FAM227B: variants seen among roughly 807,000 people sequenced by gnomAD.
FAM227B encodes protein FAM227B.
Under a neutral mutation model 73.8 loss-of-function variants are expected in FAM227B, and 88 were observed. That is an observed-to-expected ratio of 1.19 (90% CI 1.00 to 1.42). The LOEUF (loss-of-function observed/expected upper bound fraction) is 1.42. FAM227B is among the 40% of genes most tolerant of loss of function. The pLI, the probability that FAM227B is intolerant of heterozygous loss-of-function variation, is 0.00. For missense variants in FAM227B, 632 were observed against 590.9 expected (o/e 1.07, Z -0.72); for synonymous variants, 210 against 190.5 (o/e 1.10, Z -0.84).
intron 11 of FAM227B, among the ~76,000 whole-genome samples, chr15:49,467,930 T>C (rs1196676470): frequency 6.6e-6 from 1 of 152,184 alleles, no homozygotes; most frequent in Non-Finnish European, 1.5e-5. Context: ...CATGACATTC[T>C]TCAGTAATAT....
chr15:49,476,184 T>C (rs983015182), intron 11 of FAM227B, among the ~76,000 whole-genome samples: 2 of 151,366 alleles, frequency 1.3e-5, no homozygotes, highest in African/African-American at 4.8e-5. Context: ...TGACCACTTC[T>C]TTCTTCTGAA....
chr15:49,492,785 C>T (rs2057235959), intron 11 of FAM227B, among the ~76,000 whole-genome samples: 1 of 151,708 alleles, frequency 6.6e-6, no homozygotes, highest in Non-Finnish European at 1.5e-5. Flanking sequence ...TCTTTATAAT[C>T]AGAATAACAA....
intron 14 of FAM227B, among the ~76,000 whole-genome samples, chr15:49,332,761 G>A (rs564236428): frequency 7.9e-4 from 120 of 152,324 alleles, no homozygotes; most frequent in African/African-American, 2.6e-3. Context: ...TGCTGAAGCA[G>A]CAAGTTTAGA....
intron 11 of FAM227B, among the ~76,000 whole-genome samples, chr15:49,446,510 A>G (rs1179653655): frequency 6.6e-6 from 1 of 151,600 alleles, no homozygotes; most frequent in African/African-American, 2.4e-5. Context: ...CTAAGGAGGT[A>G]AAGAACTGGG....
chr15:49,480,220 C>T (rs1205210517), intron 11 of FAM227B, among the ~76,000 whole-genome samples: 5 of 152,220 alleles, frequency 3.3e-5, no homozygotes, highest in East Asian at 3.9e-4. Context: ...CTCAGTTAAA[C>T]GTAGAATCTT....
chr15:49,586,456 T>C lies in FAM227B; in HGVS notation c.405+1560A>G, dbSNP rs568084754. 2.0e-5 allele frequency among the ~76,000 whole-genome samples: 3 copies of C among 152,238 alleles called. No individual in the cohort carries two copies. The East Asian group carries it at 5.8e-4, about 29-fold the overall frequency. ...AAACCCTGGAAGACAACCTAGGTAA[T>C]ACCATTCTGGACATAGGTATGGGCA... On this transcript the variant is annotated intron_variant, in intron 5 of 15. Transcript: ENST00000299338.
intron 11 of FAM227B, among the ~76,000 whole-genome samples, chr15:49,504,341 G>T (rs2058403778): frequency 6.6e-6 from 1 of 150,638 alleles, no homozygotes; most frequent in Non-Finnish European, 1.5e-5. Flanking sequence ...CGAGTTAATG[G>T]GTGCAGCACA....
chr15:49,410,396 T>C (rs906491466), intron 11 of FAM227B, among the ~76,000 whole-genome samples: 2 of 152,162 alleles, frequency 1.3e-5, no homozygotes, highest in African/African-American at 2.4e-5. Context: ...GTTTTGTAAG[T>C]AGTTTTCAAT....
intron 11 of FAM227B, among the ~76,000 whole-genome samples, chr15:49,418,512 G>A (rs1242278082): frequency 1.3e-5 from 2 of 152,130 alleles, no homozygotes; most frequent in East Asian, 1.9e-4. Flanking sequence ...GGATGGAGCT[G>A]GAGGCCATTA....
intron 11 of FAM227B, among the ~76,000 whole-genome samples, chr15:49,396,710 C>A: frequency 6.7e-6 from 1 of 150,294 alleles, no homozygotes; most frequent in Non-Finnish European, 1.5e-5. Context: ...AGCAGCCTAA[C>A]TGGGAGGCAC....
chr15:49,365,558 G>C (rs558563203), intron 13 of FAM227B: 1 of 885,720 alleles, frequency 1.1e-6, no homozygotes, highest in Admixed American at 1.7e-5. Context: ...TTTTCAAAAG[G>C]TCCAGCTGCA....
At chr15:49,343,684 G>A (rs1046394785) in intron 13 of FAM227B, 3 of 152,162 alleles carry the variant, frequency 2.0e-5, no homozygotes, top group Non-Finnish European at 4.4e-5. Flanking sequence ...GATGTAGGTT[G>A]TATTCAAACA....
At chr15:49,437,173 TATATTAA>T (rs1308377696) in intron 11 of FAM227B, among the ~76,000 whole-genome samples, 2 of 151,532 alleles carry the variant, frequency 1.3e-5, no homozygotes, top group Non-Finnish European at 3.0e-5. Context: ...ACATATATTA[TATATTAA>T]ATTGTATATA....
chr15:49,598,337 TTCAG>T (rs1218558002), intron 3 of FAM227B, among the ~76,000 whole-genome samples: 6 of 152,072 alleles, frequency 3.9e-5, no homozygotes, highest in Non-Finnish European at 7.4e-5. Context: ...ACTGAATTCA[TTCAG>T]TATTTCTAAC....
intron 11 of FAM227B, among the ~76,000 whole-genome samples, chr15:49,391,449 C>T (rs1365599148): frequency 6.6e-6 from 1 of 152,106 alleles, no homozygotes; most frequent in Non-Finnish European, 1.5e-5. Flanking sequence ...CTAAAGATGA[C>T]ACATGTCCCT....
intron 11 of FAM227B, among the ~76,000 whole-genome samples, chr15:49,387,787 G>A (rs906408084): frequency 2.6e-5 from 4 of 151,748 alleles, no homozygotes; most frequent in Admixed American, 6.6e-5. Flanking sequence ...TAAAGTCTCA[G>A]GTTTCAAAGT....
At chr15:49,509,198 G>A (rs1434398251) in intron 10 of FAM227B, among the ~76,000 whole-genome samples, 2 of 152,166 alleles carry the variant, frequency 1.3e-5, no homozygotes, top group African/African-American at 4.8e-5. Flanking sequence ...CCAAATAAAG[G>A]AAATGGTTGT....
Position 49,611,280 on chromosome 15 carries a change from A to C in FAM227B, c.52-12T>G, listed in dbSNP as rs189361651. ...GGTTCTTGCATTTTCTAATAAAGTAATATCAACATTGTTCATTGGCATAAA... is the reference window on the plus strand; with the variant it reads ...GGTTCTTGCATTTTCTAATAAAGTACTATCAACATTGTTCATTGGCATAAA... On this transcript the variant is annotated splice_polypyrimidine_tract_variant and intron_variant, in intron 2 of 15. Transcript: ENST00000299338. 1.3e-6 allele frequency: 2 copies of C among 1,524,136 alleles called. No homozygotes were observed. Among genetic ancestry groups the C allele is most frequent in the East Asian group, 4.5e-5 (2 of 44,226 alleles). The allele number at this position is 1,524,136 out of a possible 1,614,324, so 94.4% of individuals were successfully genotyped here.
chr15:49,532,590 C>G (rs1052831169), intron 10 of FAM227B, among the ~76,000 whole-genome samples: 1 of 150,794 alleles, frequency 6.6e-6, no homozygotes, highest in Non-Finnish European at 1.5e-5. Flanking sequence ...TTCAGAATAA[C>G]GCAAAAAGCA....
Sources: gnomAD v4.1 joint callset for allele counts (sites outside exome capture counted in the v4.1 genomes callset) on GRCh38, gnomAD v4.1.1 for gene constraint, MANE v1.5 for transcripts, NCBI Gene and HGNC (gene_info 2026-07-23, HGNC 2026-07-21) for gene names.